The following BSN variants were observed in gnomAD, a reference collection of about 807,000 sequenced individuals.
BSN encodes bassoon presynaptic cytomatrix protein, also known as protein bassoon.
BSN carries 57 observed loss-of-function variants against 264.8 expected under a neutral mutation model. The observed-to-expected ratio is 0.22, with a 90% CI of 0.17 to 0.27. The LOEUF (loss-of-function observed/expected upper bound fraction) is 0.27, where lower values mean the gene tolerates loss of function less well. Ranked by LOEUF, BSN falls within the 10% of genes least tolerant of loss-of-function variation. BSN has a pLI of 1.00. For missense variants in BSN, 4,615 were observed against 5,232.5 expected (o/e 0.88, Z 3.64); for synonymous variants, 2,059 against 2,137.3 (o/e 0.96, Z 1.01).
At chr3:49,579,686 G>A (rs1289378771) in intron 1 of BSN, among the ~76,000 whole-genome samples, 1 of 152,024 alleles carries the variant, frequency 6.6e-6, no homozygotes, top group East Asian at 1.9e-4. Context: ...CTCCCAAGGT[G>A]CTGGGATTAC....
At position 49,656,241 on chromosome 3, in the gene BSN, G is replaced by C; in HGVS notation, c.6685G>C (p.Ala2229Pro). Residue 2229 changes from alanine (A) to proline (P), a missense_variant, in exon 5 of 12, where the codon GCA becomes CCA. Ala to Pro is a conservative substitution (Grantham distance 27). Coordinates refer to ENST00000296452, the MANE Select transcript of BSN (RefSeq NM_003458.4). ...MVRGGMYRPY[A>P]SGGITAVPLT... ...GCGTGGTGGCATGTACAGGCCTTAC[G>C]CATCTGGTGGAATCACAGCCGTGCC... The C allele has an allele frequency of 6.2e-7, 1 of 1,611,492 alleles. No individual in the cohort carries two copies. Among genetic ancestry groups the C allele is most frequent in the Non-Finnish European group, 8.5e-7 (1 of 1,178,974 alleles).
At chr3:49,608,353 T>C (rs2052176241) in intron 1 of BSN, among the ~76,000 whole-genome samples, 1 of 152,182 alleles carries the variant, frequency 6.6e-6, no homozygotes, top group Admixed American at 6.5e-5. Flanking sequence ...TGTGGAACCA[T>C]GGACACGGTA....
intron 5 of BSN, 99 bp downstream of exon 5, chr3:49,658,295 A>T: frequency 7.3e-7 from 1 of 1,371,232 alleles, no homozygotes; most frequent in Non-Finnish European, 9.6e-7. Context: ...GAGTAGAGGC[A>T]TCTCTGGCCC....
In BSN at chr3:49,658,186, T is replaced by G. The variant is rs775308748; in HGVS notation, c.8630T>G (p.Leu2877Arg). 4 of 1,564,572 alleles carry G rather than the reference T, an allele frequency of 2.6e-6. No homozygotes were observed. The change falls in exon 5 of 12, where the codon CTG becomes CGG. Residue 2877 changes from leucine to arginine, a missense_variant. Physicochemically the swap from Leu to Arg is moderately radical, Grantham distance 102. Coordinates refer to ENST00000296452, the MANE Select transcript of BSN (RefSeq NM_003458.4). ...RFSLYQHQGG[L>R]GSQVSALPPN... ...TCCCTCTACCAGCACCAGGGGGGACTGGGTAGCCAGGTATGGGAACAGGGG... is the reference window on the plus strand; with the variant it reads ...TCCCTCTACCAGCACCAGGGGGGACGGGGTAGCCAGGTATGGGAACAGGGG...
Position 49,660,333 on chromosome 3 carries a change from C to T in BSN, c.8641-153C>T, listed in dbSNP as rs2052643434. Among the ~76,000 whole-genome samples the T allele has an allele frequency of 6.6e-6, 1 of 152,168 alleles. No individual in the cohort carries two copies. Among genetic ancestry groups the T allele is most frequent in the Admixed American group, 6.5e-5 (1 of 15,274 alleles). ...AAAGAAACCAAGGCCTATGGGTGGG[C>T]AGGGTAGGCCTCCAGGCTGCCTGGT... On this transcript the variant is annotated intron_variant, in intron 5 of 11. Coordinates refer to ENST00000296452, the MANE Select transcript of BSN (RefSeq NM_003458.4). The surrounding 1 kb of genome is among the most constrained non-coding windows in gnomAD (Gnocchi z 7.1).
At position 49,656,490 on chromosome 3, in the gene BSN, C is replaced by A; in HGVS notation, c.6934C>A (p.Pro2312Thr). Residue 2312 changes from proline to threonine, a missense_variant, in exon 5 of 12, where the codon CCC becomes ACC. By Grantham distance (38) the Pro-to-Thr change is conservative. Coordinates refer to ENST00000296452, the MANE Select transcript of BSN (RefSeq NM_003458.4). ...AGGGGCTGCACGGGAAGAGCCTCTT[C>A]CCACAACCACCCCTGCTGCCATCAA... ...PVGAAREEPL[P>T]TTTPAAIKEA... 6.3e-7 allele frequency: 1 copy of A among 1,594,468 alleles called. No homozygotes were observed. The highest frequency in any genetic ancestry group is 8.6e-7 in the Non-Finnish European group (1 of 1,168,642).
At chr3:49,565,237 CA>C (rs775245647) in intron 1 of BSN, among the ~76,000 whole-genome samples, 30 of 149,958 alleles carry the variant, frequency 2.0e-4, no homozygotes, top group East Asian at 7.8e-4. Context: ...GCTCTGCCTC[CA>C]GGGTTCATGC....
chr3:49,560,463 G>A (rs2051704112), intron 1 of BSN, among the ~76,000 whole-genome samples: 1 of 152,332 alleles, frequency 6.6e-6, no homozygotes, highest in Non-Finnish European at 1.5e-5. Flanking sequence ...GGCCCTGCCT[G>A]TCCTGACTTT....
intron 1 of BSN, among the ~76,000 whole-genome samples, chr3:49,575,755 C>T (rs2051841431): frequency 6.6e-6 from 1 of 151,126 alleles, no homozygotes; most frequent in Admixed American, 6.6e-5. Flanking sequence ...GTCCACTGCC[C>T]CTTTTTTTCT....
At position 49,554,724 on chromosome 3, in the gene BSN, C is replaced by G. The variant is rs1002210592; in HGVS notation, c.122C>G (p.Ala41Gly). 1.1e-5 allele frequency: 13 copies of G among 1,218,756 alleles called. No individual in the cohort carries two copies. The Admixed American group carries it at 2.0e-4, about 19-fold the overall frequency. 75.5% of individuals were successfully genotyped at this position (1,218,756 alleles called of 1,614,324 possible). ...GCAGGAAAGCCGCCTTCAGCACCGG[C>G]CGGTGGCGGACAGCTCCCCGCGGCG... The part of the protein sequence containing the change: ...PGAGKPPSAP[A>G]GGGQLPAAGA... Residue 41 changes from alanine to glycine, a missense_variant, in exon 1 of 12, where the codon GCC (alanine) becomes GGC (glycine). Physicochemically the swap from Ala to Gly is moderately conservative, Grantham distance 60. Transcript: ENST00000296452.
Position 49,656,440 on chromosome 3 carries a change from G to T in BSN, c.6884G>T (p.Gly2295Val), listed in dbSNP as rs1262688518. The T allele has an allele frequency of 4.4e-6, 7 of 1,592,130 alleles. No homozygotes were observed. Among genetic ancestry groups the T allele is most frequent in the African/African-American group, 2.7e-5 (2 of 74,304 alleles). The change falls in exon 5 of 12, where the codon GGC becomes GTC. Residue 2295 changes from glycine to valine, a missense_variant. This residue lies in a region of BSN where 3,415 missense variants were observed against 3,866.4 expected (regional missense o/e 0.88). Coordinates refer to ENST00000296452, the MANE Select transcript of BSN (RefSeq NM_003458.4). ...PAAAKAPGAGGPSRPEMPVGA... is the reference protein window; with the variant it reads ...PAAAKAPGAGVPSRPEMPVGA... ...GCTGCCAAGGCCCCTGGGGCTGGGG[G>T]CCCTTCAAGGCCAGAGATGCCAGTA...
Position 49,554,833 on chromosome 3 carries a change from G to C in BSN, c.224+7G>C. On this transcript the variant is annotated splice_region_variant and intron_variant, in intron 1 of 11. Transcript: ENST00000296452. Reference sequence around the variant, plus strand: ...CCGGCCCTGGCCCGGGCAGGTAAGCGCGTGTCTCGGCGCCCGGGGGGCGGT... The same window carrying C: ...CCGGCCCTGGCCCGGGCAGGTAAGCCCGTGTCTCGGCGCCCGGGGGGCGGT... 3 of 1,199,200 alleles carry C rather than the reference G, an allele frequency of 2.5e-6. No individual in the cohort carries two copies. Among genetic ancestry groups the C allele is most frequent in the East Asian group, 6.8e-5 (2 of 29,296 alleles). 74.3% of individuals were successfully genotyped at this position (1,199,200 alleles called of 1,614,324 possible).
chr3:49,654,993 A>G lies in BSN; in HGVS notation c.5437A>G (p.Arg1813Gly). 1.9e-5 allele frequency: 30 copies of G among 1,613,280 alleles called. No homozygotes were observed. The highest frequency in any genetic ancestry group is 2.5e-5 in the Non-Finnish European group (30 of 1,179,956). Residue 1813 changes from arginine to glycine, a missense_variant, in exon 5 of 12, where the codon AGA becomes GGA. By Grantham distance (125) the Arg-to-Gly change is moderately radical. Around this residue, in one of 3 missense-constraint regions of BSN, gnomAD observed 3,415 missense variants for 3,866.4 expected, o/e 0.88. Transcript: ENST00000296452. The surrounding 1 kb of genome is among the most constrained non-coding windows in gnomAD (Gnocchi z 4.1). The part of the protein sequence containing the change: ...NLPNQVAPLA[R>G]RDVLITQMGT... Reference sequence around the variant, plus strand: ...ACCCAACCAAGTAGCTCCTCTGGCCAGAAGAGACGTTTTGATCACTCAGAT... The same window carrying G: ...ACCCAACCAAGTAGCTCCTCTGGCCGGAAGAGACGTTTTGATCACTCAGAT...
intron 1 of BSN, among the ~76,000 whole-genome samples, chr3:49,575,513 AAT>A (rs1020822563): frequency 3.4e-5 from 5 of 146,498 alleles, no homozygotes; most frequent in East Asian, 2.0e-4. Context: ...TATATATGTA[AAT>A]ATATGTGTGT....
chr3:49,557,485 A>G (rs2051682007), intron 1 of BSN, among the ~76,000 whole-genome samples: 1 of 152,178 alleles, frequency 6.6e-6, no homozygotes, highest in Admixed American at 6.5e-5. Context: ...TACCCCAGAA[A>G]GTACTTTTTA....
rs2052536932 is a variant in BSN at position 49,650,945 on chromosome 3, C to T, written c.1852C>T (p.Pro618Ser). 6.2e-7 allele frequency: 1 copy of T among 1,614,060 alleles called. No homozygotes were observed. The highest frequency in any genetic ancestry group is 8.5e-7 in the Non-Finnish European group (1 of 1,180,048). ...KKTRVPTKAE[P>S]MPKPPPETTP... ...GACCCGAGTCCCCACTAAAGCTGAGCCCATGCCGAAGCCACCTCCAGAGAC... is the reference window on the plus strand; with the variant it reads ...GACCCGAGTCCCCACTAAAGCTGAGTCCATGCCGAAGCCACCTCCAGAGAC... The change falls in exon 4 of 12, where the codon CCC becomes TCC. Residue 618 changes from proline (P) to serine (S), a missense_variant. This residue lies in a region of BSN where 1,197 missense variants were observed against 1,348.0 expected (regional missense o/e 0.89). Coordinates refer to ENST00000296452, the MANE Select transcript of BSN (RefSeq NM_003458.4).
intron 3 of BSN, 71 bp from the exon 4 acceptor site, chr3:49,650,541 T>TA (rs2052532556): frequency 7.3e-7 from 1 of 1,376,942 alleles, no homozygotes; most frequent in Admixed American, 2.2e-5. Flanking sequence ...CAGAAATAGT[T>TA]ATGGAAATAT....
At chr3:49,637,673 G>A (rs566439431) in intron 2 of BSN, among the ~76,000 whole-genome samples, 5 of 152,204 alleles carry the variant, frequency 3.3e-5, no homozygotes, top group Admixed American at 1.3e-4. Context: ...CAGGGAGAAA[G>A]TCCTCTCAGA....
chr3:49,635,575 T>A (rs2052414981), intron 2 of BSN, among the ~76,000 whole-genome samples: 1 of 152,208 alleles, frequency 6.6e-6, no homozygotes, highest in Admixed American at 6.5e-5. Context: ...CTATCTGGAT[T>A]TATAATGAAC....
Sources: allele counts gnomAD v4.1 joint callset (sites outside exome capture counted in the v4.1 genomes callset), GRCh38; gene constraint gnomAD v4.1.1; regional missense constraint gnomAD v4.1.1; non-coding constraint Gnocchi (gnomAD v3.1); transcripts MANE v1.5; gene names NCBI Gene and HGNC (gene_info 2026-07-23, HGNC 2026-07-21).